Variants in MAP3K15 observed in about 807,000 individuals in gnomAD.
MAP3K15 encodes the protein MAPK/ERK kinase kinase 15.
MAP3K15 carries 124 observed loss-of-function variants against 99.5 expected under a neutral mutation model. The ratio of observed to expected loss-of-function variants is 1.25; its 90% CI spans 1.08 to 1.45. The LOEUF (loss-of-function observed/expected upper bound fraction) is 1.45. Ranked by LOEUF, MAP3K15 falls within the 40% of genes most tolerant of loss-of-function variation. The probability of loss-of-function intolerance (pLI) is 0.00; values close to 1 mark genes in which losing one functional copy is unlikely to be tolerated. For missense variants in MAP3K15, 1,242 were observed against 1,079.7 expected (o/e 1.15, Z -2.11); for synonymous variants, 494 against 439.6 (o/e 1.12, Z -1.55).
At chrX:19,418,202 G>A (rs1230533903) in intron 9 of MAP3K15, among the ~76,000 whole-genome samples, 1 of 112,027 alleles carries the variant, frequency 8.9e-6, no homozygotes, top group Non-Finnish European at 1.9e-5. Flanking sequence ...GAATGACTTT[G>A]ACGAGTTAAG....
intron 6 of MAP3K15, among the ~76,000 whole-genome samples, chrX:19,452,056 CA>C (rs765861449): frequency 1.0e-3 from 14 of 13,766 alleles, no homozygotes; most frequent in Admixed American, 2.5e-3. Context: ...AGGATTCTGT[CA>C]GAGAAGAGAA....
chrX:19,430,184 A>G (rs1201411894), intron 7 of MAP3K15, among the ~76,000 whole-genome samples: 1 of 112,269 alleles, frequency 8.9e-6, no homozygotes, highest in Admixed American at 9.4e-5. Context: ...GCTTTGACCA[A>G]TAGCATGTGG....
At position 19,403,087 on chromosome X, in the gene MAP3K15, C is replaced by T. The variant is rs780971990; in HGVS notation, c.1845-2424G>A. Among the ~76,000 whole-genome samples the T allele has an allele frequency of 4.7e-4, 53 of 111,648 alleles. 1 individual carries two copies. Among genetic ancestry groups the T allele is most frequent in the Non-Finnish European group, 3.8e-4 (20 of 53,157 alleles). ...GTGGTAAAAATCAAAACAGTTATCA[C>T]TGGAGGGAGTTTAATGACTGTGAAG... is the stretch of plus-strand genomic sequence containing the variant. On this transcript the variant is annotated intron_variant, in intron 13 of 28. Transcript: ENST00000338883.
At chrX:19,420,846 G>A (rs1309792176) in intron 9 of MAP3K15, among the ~76,000 whole-genome samples, 2 of 111,770 alleles carry the variant, frequency 1.8e-5, no homozygotes, top group Non-Finnish European at 3.8e-5. Context: ...GATCAAGTGG[G>A]CTTCATCCCT....
intron 1 of MAP3K15, among the ~76,000 whole-genome samples, chrX:19,514,151 C>T (rs2064539727): frequency 9.0e-6 from 1 of 110,799 alleles, no homozygotes; most frequent in East Asian, 2.9e-4. Flanking sequence ...CCACTCCTGG[C>T]TGCAAAATGG....
intron 23 of MAP3K15, 78 bp from the exon 24 acceptor site, chrX:19,371,142 G>A: frequency 1.2e-6 from 1 of 865,232 alleles, no homozygotes; most frequent in South Asian, 2.6e-5. Context: ...GAGAATCACG[G>A]CAACCTACAC....
intron 1 of MAP3K15, among the ~76,000 whole-genome samples, chrX:19,501,227 G>A (rs1266599208): frequency 8.9e-6 from 1 of 111,999 alleles, no homozygotes; most frequent in Non-Finnish European, 1.9e-5. Context: ...GAGAAAGGGA[G>A]AAGGCTTCTG....
chrX:19,424,113 C>T (rs1477457966), intron 9 of MAP3K15, among the ~76,000 whole-genome samples: 1 of 109,979 alleles, frequency 9.1e-6, no homozygotes, highest in Admixed American at 9.9e-5. Flanking sequence ...AATCTGTATC[C>T]TTTCATTGTA....
intron 1 of MAP3K15, among the ~76,000 whole-genome samples, chrX:19,508,452 G>A (rs775363712): frequency 1.6e-3 from 180 of 112,693 alleles, no homozygotes; most frequent in Non-Finnish European, 2.8e-3. Context: ...TATTACAGGC[G>A]TGAGCCACCG....
chrX:19,386,383 G>A (rs1418247427), intron 18 of MAP3K15, among the ~76,000 whole-genome samples: 1 of 111,574 alleles, frequency 9.0e-6, no homozygotes, highest in East Asian at 2.8e-4. Flanking sequence ...TTGAACCCGG[G>A]TGGTGGAGGT....
intron 11 of MAP3K15, among the ~76,000 whole-genome samples, chrX:19,410,927 T>C (rs1251860697): frequency 9.0e-6 from 1 of 111,553 alleles, no homozygotes; most frequent in Non-Finnish European, 1.9e-5. Context: ...ACACCTGTAA[T>C]CCCAGCGCTC....
At chrX:19,486,587 A>G (rs1336588268) in intron 2 of MAP3K15, 82 bp from the exon 3 acceptor site, 3 of 393,645 alleles carry the variant, frequency 7.6e-6, no homozygotes, top group Non-Finnish European at 1.2e-5. Context: ...TCCCCTCTAT[A>G]AAAGAAATTA....
chrX:19,480,456 G>A (rs1471181408), intron 3 of MAP3K15, among the ~76,000 whole-genome samples: 1 of 110,318 alleles, frequency 9.1e-6, no homozygotes, highest in Admixed American at 9.6e-5. Flanking sequence ...CCACAGCTGC[G>A]GTGACAGAGT....
intron 11 of MAP3K15, 101 bp downstream of exon 11, chrX:19,413,256 T>G (rs1275541996): frequency 3.5e-6 from 2 of 564,803 alleles, no homozygotes; most frequent in South Asian, 6.0e-5. Context: ...TATATTCTCA[T>G]AATTCAGAAG....
chrX:19,456,085 A>G (rs1000786157), intron 6 of MAP3K15, among the ~76,000 whole-genome samples: 3 of 111,183 alleles, frequency 2.7e-5, no homozygotes, highest in African/African-American at 9.8e-5. Context: ...GCTTTCTCCC[A>G]AAAAGGAATC....
chrX:19,500,108 G>A (rs773717112), intron 1 of MAP3K15, among the ~76,000 whole-genome samples: 1 of 111,587 alleles, frequency 9.0e-6, no homozygotes, highest in Non-Finnish European at 1.9e-5. Flanking sequence ...TTAGCTGGGT[G>A]TGGTGGCGTA....
rs56021619 is a variant in MAP3K15 at position 19,360,794 on chromosome X, C to T, written c.3897G>A (p.Gln1299=). Residue 1299 remains glutamine, a synonymous_variant, in exon 29 of 29, where the codon CAG becomes CAA. Transcript: ENST00000338883. ...LLCRLWSAVS[Q]YRRAQEASET... Reference sequence around the variant, plus strand: ...CTGAGGCCTCCTGAGCCCTTCTGTACTGGGAGACCGCACTCCAGAGTCTGC... The same window carrying T: ...CTGAGGCCTCCTGAGCCCTTCTGTATTGGGAGACCGCACTCCAGAGTCTGC... 8.3e-7 allele frequency: 1 copy of T among 1,210,014 alleles called. No homozygotes were observed. Among genetic ancestry groups the T allele is most frequent in the African/African-American group, 1.7e-5 (1 of 57,710 alleles).
At chrX:19,445,429 A>G (rs1312340588) in intron 6 of MAP3K15, among the ~76,000 whole-genome samples, 1 of 107,412 alleles carries the variant, frequency 9.3e-6, no homozygotes, top group African/African-American at 3.4e-5. Context: ...CGTCACTACT[A>G]AAAGTAGAAA....
rs764370743 is a variant in MAP3K15 at position 19,456,987 on chromosome X, T to C, written c.921A>G (p.Thr307=). The C allele has an allele frequency of 5.0e-6, 6 of 1,199,189 alleles. No individual in the cohort carries two copies. The highest frequency in any genetic ancestry group is 3.0e-5 in the East Asian group (1 of 33,850). ...AATCACACGTAGGCAGCATCTCCAG[T>C]GTTTCCACCAGCTTCACCATCGCAT... The part of the protein sequence containing the change: ...DYDAMVKLVE[T]LEMLPTCDLA... The change falls in exon 6 of 29, where the codon ACA becomes ACG. Residue 307 remains threonine (T), a synonymous_variant. Transcript: ENST00000338883.
Sources: gnomAD v4.1 joint callset for allele counts (sites outside exome capture counted in the v4.1 genomes callset) on GRCh38, gnomAD v4.1.1 for gene constraint, MANE v1.5 for transcripts, NCBI Gene and HGNC (gene_info 2026-07-23, HGNC 2026-07-21) for gene names.